The following RIC1 variants were observed in gnomAD, a reference collection of about 807,000 sequenced individuals.
RIC1 encodes guanine nucleotide exchange factor subunit RIC1.
In RIC1, 88 loss-of-function variants were observed where a neutral mutation model predicts 169.0. The ratio of observed to expected loss-of-function variants is 0.52; its 90% CI spans 0.44 to 0.62. RIC1 has a LOEUF of 0.62. Ranked by LOEUF, RIC1 falls within the 20% of genes least tolerant of loss-of-function variation. The pLI, the probability that RIC1 is intolerant of heterozygous loss-of-function variation, is 0.00. For synonymous variants in RIC1, 790 were observed against 601.5 expected (o/e 1.31, Z -4.59); for missense variants, 1,877 against 1,725.5 (o/e 1.09, Z -1.56).
At position 5,745,915 on chromosome 9, in the gene RIC1, T is replaced by C; in HGVS notation, c.1096-16T>C. The C allele has an allele frequency of 6.2e-7, 1 of 1,605,186 alleles. No homozygotes were observed. Among genetic ancestry groups the C allele is most frequent in the East Asian group, 2.2e-5 (1 of 44,768 alleles). On this transcript the variant is annotated splice_polypyrimidine_tract_variant and intron_variant, in intron 10 of 25. Coordinates refer to ENST00000414202, the MANE Select transcript of RIC1 (RefSeq NM_020829.4). ...TTATTGCTCTGACTTTTTTTCTCCC[T>C]CCTCTTCTCTCTAAGAGCTGGGGTG...
At chr9:5,694,698 C>T (rs1821785063) in intron 3 of RIC1, among the ~76,000 whole-genome samples, 1 of 152,206 alleles carries the variant, frequency 6.6e-6, no homozygotes, top group East Asian at 1.9e-4. Flanking sequence ...AATGGTAGGA[C>T]TGCCCAAATC....
chr9:5,682,714 A>C (rs1486715455), intron 2 of RIC1, among the ~76,000 whole-genome samples: 2 of 152,134 alleles, frequency 1.3e-5, no homozygotes, highest in Non-Finnish European at 2.9e-5. Context: ...CTGCCTTGCT[A>C]GATTGGGGAA....
chr9:5,753,235 A>T lies in RIC1; in HGVS notation c.1488A>T (p.Ile496=), dbSNP rs1586692258. Reference sequence around the variant, plus strand: ...CCTATCTAGAGAGCAATTGGCCTATACGGGTGAGTTGTTATTTTGTTGGTG... The same window carrying T: ...CCTATCTAGAGAGCAATTGGCCTATTCGGGTGAGTTGTTATTTTGTTGGTG... ...SSTYLESNWP[I]RFSAIDKLGQ... The change falls in exon 13 of 26, where the codon ATA becomes ATT. Residue 496 remains isoleucine (I), a synonymous_variant. Coordinates refer to ENST00000414202, the MANE Select transcript of RIC1 (RefSeq NM_020829.4). 6.2e-7 allele frequency: 1 copy of T among 1,613,412 alleles called. No homozygotes were observed. Among genetic ancestry groups the T allele is most frequent in the African/African-American group, 1.3e-5 (1 of 74,908 alleles).
At chr9:5,732,176 G>A (rs1216767613) in intron 6 of RIC1, among the ~76,000 whole-genome samples, 1 of 152,124 alleles carries the variant, frequency 6.6e-6, no homozygotes, top group Admixed American at 6.6e-5. Flanking sequence ...GTATTTATCA[G>A]ACCAATTCAT....
intron 8 of RIC1, among the ~76,000 whole-genome samples, chr9:5,741,188 T>C (rs148786037): frequency 6.6e-6 from 1 of 152,338 alleles, no homozygotes; most frequent in East Asian, 1.9e-4. Flanking sequence ...ATTGCAGCTA[T>C]TGAGAGGTCC....
chr9:5,707,360 G>T (rs1436538810), intron 3 of RIC1, among the ~76,000 whole-genome samples: 1 of 152,018 alleles, frequency 6.6e-6, no homozygotes, highest in East Asian at 1.9e-4. Context: ...CTGCTGTTGG[G>T]TGGCATATTC....
At chr9:5,713,848 T>G (rs1823077281) in intron 3 of RIC1, 48 bp from the exon 4 acceptor site, 1 of 1,300,468 alleles carries the variant, frequency 7.7e-7, no homozygotes, top group Non-Finnish European at 1.1e-6. Context: ...AGCCACAGAA[T>G]GGAGGCAAAT....
rs543138383 is a variant in RIC1 at position 5,667,096 on chromosome 9, G to A, written c.252+10406G>A. ...TCCCAGCACTTTGGGAAGCTGAGGC[G>A]GGAGGATTGCTTGAGGCAGGGAGTT... On this transcript the variant is annotated intron_variant, in intron 2 of 25. Transcript: ENST00000414202. 1.1e-4 allele frequency among the ~76,000 whole-genome samples: 16 copies of A among 152,186 alleles called. No individual in the cohort carries two copies. The East Asian group carries it at 1.2e-3, about 11-fold the overall frequency.
intron 6 of RIC1, among the ~76,000 whole-genome samples, chr9:5,723,613 T>G (rs1206727331): frequency 6.6e-6 from 1 of 152,238 alleles, no homozygotes; most frequent in Non-Finnish European, 1.5e-5. Flanking sequence ...TTTTGGTGTT[T>G]TAGTCATGAA....
chr9:5,770,421 T>C (rs774980569), intron 23 of RIC1, 143 bp downstream of exon 23: 300 of 726,982 alleles, frequency 4.1e-4, no homozygotes, highest in Non-Finnish European at 5.8e-4. Flanking sequence ...AGAAAGTTTG[T>C]AGAACAAGGC....
intron 6 of RIC1, among the ~76,000 whole-genome samples, chr9:5,727,916 A>C (rs1480748852): frequency 6.6e-6 from 1 of 152,148 alleles, no homozygotes; most frequent in Non-Finnish European, 1.5e-5. Context: ...TTCATCTTAG[A>C]GGGGCACCCA....
At chr9:5,743,877 A>G (rs1825223835) in intron 10 of RIC1, 140 bp downstream of exon 10, 2 of 636,158 alleles carry the variant, frequency 3.1e-6, no homozygotes, top group East Asian at 2.8e-5. Context: ...GTGGCAGATC[A>G]TAGCTCACTG....
At chr9:5,720,873 A>C in intron 6 of RIC1, 123 bp downstream of exon 6, 1 of 854,342 alleles carries the variant, frequency 1.2e-6, no homozygotes, top group Non-Finnish European at 1.8e-6. Flanking sequence ...TTTTTAATCA[A>C]ACCAAACATA....
At position 5,756,298 on chromosome 9, in the gene RIC1, C is replaced by A. The variant is rs754949434; in HGVS notation, c.1779C>A (p.Val593=). Residue 593 remains valine, a synonymous_variant, in exon 16 of 26, where the codon GTC becomes GTA. Transcript: ENST00000414202. Reference sequence around the variant, plus strand: ...AAGCAGAAACATTACTGCTTAGTGTCTTCCAGGACATGGTAATAGTATTTA... The same window carrying A: ...AAGCAGAAACATTACTGCTTAGTGTATTCCAGGACATGGTAATAGTATTTA... ...KAQAETLLLS[V]FQDMVIVFRA... 1.2e-6 allele frequency: 2 copies of A among 1,604,148 alleles called. No homozygotes were observed. Among genetic ancestry groups the A allele is most frequent in the Non-Finnish European group, 1.7e-6 (2 of 1,173,908 alleles).
intron 1 of RIC1, among the ~76,000 whole-genome samples, chr9:5,654,361 C>T (rs905201056): frequency 7.9e-5 from 12 of 152,094 alleles, no homozygotes; most frequent in African/African-American, 2.7e-4. Context: ...ATTCTCCTGC[C>T]ACATTCTCCC....
intron 4 of RIC1, among the ~76,000 whole-genome samples, chr9:5,718,023 C>T (rs1418326548): frequency 6.7e-6 from 1 of 150,370 alleles, no homozygotes; most frequent in East Asian, 1.9e-4. Context: ...GCCTGTAATC[C>T]CAGCTACTAG....
chr9:5,756,051 A>G (rs1825991165), intron 15 of RIC1, among the ~76,000 whole-genome samples, 161 bp from the exon 16 acceptor site: 1 of 152,068 alleles, frequency 6.6e-6, no homozygotes, highest in Admixed American at 6.5e-5. Context: ...AAAAATATGT[A>G]AACATAATCC....
chr9:5,690,233 T>C (rs1821514546), intron 3 of RIC1, among the ~76,000 whole-genome samples, 195 bp downstream of exon 3: 1 of 152,134 alleles, frequency 6.6e-6, no homozygotes, highest in South Asian at 2.1e-4. Context: ...GGAATCTTGA[T>C]GATAAACTAT....
At position 5,720,818 on chromosome 9, in the gene RIC1, C is replaced by A. The variant is rs2130865688; in HGVS notation, c.720+68C>A. ...TTATTTTATTCTTTGTTATCAAATT[C>A]TTCTCTATTTTCATCATTCATGTAA... is the stretch of plus-strand genomic sequence containing the variant. On this transcript the variant is annotated intron_variant, in intron 6 of 25. Transcript: ENST00000414202. 7.6e-6 allele frequency: 10 copies of A among 1,316,798 alleles called. No individual in the cohort carries two copies. The East Asian group carries it at 2.0e-4, about 27-fold the overall frequency. 81.6% of individuals were successfully genotyped at this position (1,316,798 alleles called of 1,614,324 possible). A position where few individuals can be genotyped will look rare whatever the true frequency, so the allele number is the denominator to read the frequency against.
Sources: gnomAD v4.1 joint callset for allele counts (sites outside exome capture counted in the v4.1 genomes callset) on GRCh38, gnomAD v4.1.1 for gene constraint, MANE v1.5 for transcripts, NCBI Gene and HGNC (gene_info 2026-07-23, HGNC 2026-07-21) for gene names.